The following EXD2 variants were observed in gnomAD, a reference collection of about 807,000 sequenced individuals.
EXD2 encodes the protein exonuclease 3'-5' domain containing 2, also known as exonuclease 3'-5' domain-containing protein 2.
In EXD2, 40 loss-of-function variants were observed where a neutral mutation model predicts 62.5. The observed-to-expected ratio is 0.64, with a 90% CI of 0.50 to 0.83. The LOEUF (loss-of-function observed/expected upper bound fraction) is 0.83, where lower values mean the gene tolerates loss of function less well. Among genes scored for constraint, EXD2 ranks in the 40% least tolerant of loss-of-function variants. The pLI, the probability that EXD2 is intolerant of heterozygous loss-of-function variation, is 0.00. For synonymous variants in EXD2, 239 were observed against 291.9 expected (o/e 0.82, Z 1.85); for missense variants, 671 against 761.8 (o/e 0.88, Z 1.40).
intron 1 of EXD2, among the ~76,000 whole-genome samples, chr14:69,197,808 T>G (rs1468487717): frequency 6.6e-6 from 1 of 152,270 alleles, no homozygotes; most frequent in African/African-American, 2.4e-5. Flanking sequence ...AAAATGAAGT[T>G]TGTATTGAAT....
At chr14:69,211,815 G>A (rs74554401) in intron 3 of EXD2, among the ~76,000 whole-genome samples, 2,015 of 152,252 alleles carry the variant, frequency 0.013, 42 homozygotes, top group African/African-American at 0.047. Context: ...TTGAGCAACA[G>A]CAGGGTAGAC....
rs1199047176 is a variant in EXD2 at position 69,237,620 on chromosome 14, G to A, written c.1338G>A (p.Glu446=). The change falls in exon 9 of 10, where the codon GAG becomes GAA. Residue 446 remains glutamate (E), a synonymous_variant. Transcript: ENST00000685843. ...AGTACCGGAAGCACTTCCCCATCGA[G>A]ATGAAGGACCACAACTCCCACGATG... The part of the protein sequence containing the change: ...PHEYRKHFPI[E]MKDHNSHDVL... The A allele has an allele frequency of 6.2e-7, 1 of 1,614,022 alleles. No homozygotes were observed. The highest frequency in any genetic ancestry group is 8.5e-7 in the Non-Finnish European group (1 of 1,180,048).
At chr14:69,215,298 A>ATG (rs61469385) in intron 3 of EXD2, among the ~76,000 whole-genome samples, 35,462 of 101,740 alleles carry the variant, frequency 0.35, 4,259 homozygotes, top group Non-Finnish European at 0.38. Context: ...TCAAAAATAT[A>ATG]TGTGTGTGTG....
chr14:69,226,230 G>A (rs1004016220), intron 3 of EXD2, among the ~76,000 whole-genome samples: 5 of 152,138 alleles, frequency 3.3e-5, no homozygotes, highest in South Asian at 2.1e-4. Context: ...AAGTGATTTG[G>A]TCACATCCGG....
intron 3 of EXD2, among the ~76,000 whole-genome samples, chr14:69,218,386 TC>T (rs1358036409): frequency 3.0e-4 from 45 of 152,268 alleles, no homozygotes; most frequent in Admixed American, 1.3e-3. Flanking sequence ...GGAGTTTTTT[TC>T]TTGTAAATTT....
At chr14:69,232,165 C>T (rs972494806) in intron 5 of EXD2, among the ~76,000 whole-genome samples, 5 of 152,264 alleles carry the variant, frequency 3.3e-5, no homozygotes, top group Admixed American at 2.6e-4. Context: ...TCCAGATCCT[C>T]TGTGGTTTAA....
chr14:69,209,847 T>A, intron 3 of EXD2, 44 bp downstream of exon 3: 1 of 1,138,586 alleles, frequency 8.8e-7, no homozygotes, highest in Non-Finnish European at 1.2e-6. Flanking sequence ...AAAAAACAAC[T>A]TCTGCTTTTC....
chr14:69,236,681 AAG>A, intron 8 of EXD2, 139 bp downstream of exon 8: 1 of 1,174,364 alleles, frequency 8.5e-7, no homozygotes, highest in South Asian at 1.4e-5. Flanking sequence ...CAGCTTCCCC[AAG>A]AGCTTTGGTA....
chr14:69,236,568 G>GT, intron 8 of EXD2, 26 bp downstream of exon 8: 1 of 1,613,808 alleles, frequency 6.2e-7, no homozygotes, highest in Non-Finnish European at 8.5e-7. Context: ...GGCCACCCTG[G>GT]TTGTCTGTGG....
At chr14:69,225,614 T>A (rs117044200) in intron 3 of EXD2, among the ~76,000 whole-genome samples, 1,836 of 152,278 alleles carry the variant, frequency 0.012, 18 homozygotes, top group Non-Finnish European at 0.017. Context: ...AACCCTAGAT[T>A]AAATAATGCT....
rs1471549510 is a variant in EXD2, at chr14:69,242,839, AC to A, written c.*1740del. On this transcript the variant is annotated 3_prime_UTR_variant, in exon 10 of 10. Transcript: ENST00000685843. ...ATTCTTGAGAAAAAAGCAACTGGTT[AC>A]TGAACGTAACTCATGACTTATGTTT... 1 of 152,226 alleles carries A rather than the reference AC, an allele frequency of 6.6e-6. No individual in the cohort carries two copies. Among genetic ancestry groups the A allele is most frequent in the Non-Finnish European group, 1.5e-5 (1 of 68,040 alleles). The allele number at this position is 152,226 out of a possible 1,614,324, so 9.4% of individuals were successfully genotyped here.
rs1270364933 is a variant in EXD2 at position 69,236,477 on chromosome 14, A to G, written c.1227A>G (p.Gly409=). The change falls in exon 8 of 10, where the codon GGA becomes GGG. Residue 409 remains glycine, a synonymous_variant. Transcript: ENST00000685843. ...FEPAGRPESP[G]DYYLMVKENL... ...CTGCAGGAAGGCCCGAATCTCCTGG[A>G]GACTATTACTTGATGGTTAAAGAGA... 1 of 1,613,972 alleles carries G rather than the reference A, an allele frequency of 6.2e-7. No individual in the cohort carries two copies. Among genetic ancestry groups the G allele is most frequent in the East Asian group, 2.2e-5 (1 of 44,884 alleles).
rs116282662 is a variant in EXD2 at position 69,232,429 on chromosome 14, T to C, written c.717+1831T>C. 2.1e-3 allele frequency among the ~76,000 whole-genome samples: 320 copies of C among 152,366 alleles called. 3 individuals carry two copies. The highest frequency in any genetic ancestry group is 7.2e-3 in the African/African-American group (298 of 41,586). On this transcript the variant is annotated intron_variant, in intron 5 of 9. Transcript: ENST00000685843. ...TGCATAGGCCTAGTTTCAACCTTGC[T>C]TGCCAAGTCAGTTACCACTTGTTCA...
chr14:69,234,908 C>A lies in EXD2; in HGVS notation c.926C>A (p.Thr309Lys). The A allele has an allele frequency of 6.2e-7, 1 of 1,614,122 alleles. No homozygotes were observed. The highest frequency in any genetic ancestry group is 8.5e-7 in the Non-Finnish European group (1 of 1,180,016). ...RLGEEVNGEA[T>K]ESQQKPRNKK... ...GGAGAAGAGGTTAATGGGGAAGCAA[C>A]AGAATCTCAGCAGAAGCCAAGAAAT... Residue 309 changes from threonine (T) to lysine (K), a missense_variant, in exon 6 of 10, where the codon ACA becomes AAA. Coordinates refer to ENST00000685843, the MANE Select transcript of EXD2 (RefSeq NM_001193360.2).
At chr14:69,233,508 C>T (rs560921275) in intron 5 of EXD2, among the ~76,000 whole-genome samples, 1 of 150,528 alleles carries the variant, frequency 6.6e-6, no homozygotes, top group Non-Finnish European at 1.5e-5. Context: ...CTCACTGCAA[C>T]TTCTGCCTCC....
At chr14:69,231,182 G>A (rs1397181637) in intron 5 of EXD2, among the ~76,000 whole-genome samples, 1 of 152,078 alleles carries the variant, frequency 6.6e-6, no homozygotes, top group Non-Finnish European at 1.5e-5. Context: ...TAAGTGTGTA[G>A]GAGTTATAAC....
rs540414756 is a variant in EXD2 at position 69,196,584 on chromosome 14, T to C, written c.-132+4993T>C. On this transcript the variant is annotated intron_variant, in intron 1 of 9. Transcript: ENST00000685843. ...TACCATTTGACATTCCCACCAACAATGCATGAGATTTCTAATTTCTCCACA... is the reference window on the plus strand; with the variant it reads ...TACCATTTGACATTCCCACCAACAACGCATGAGATTTCTAATTTCTCCACA... 1.4e-3 allele frequency among the ~76,000 whole-genome samples: 213 copies of C among 151,708 alleles called. 5 individuals carry two copies. In the South Asian group the frequency reaches 0.028, roughly 20 times the overall value.
At chr14:69,216,828 T>C (rs1408801274) in intron 3 of EXD2, among the ~76,000 whole-genome samples, 4 of 152,194 alleles carry the variant, frequency 2.6e-5, no homozygotes, top group Non-Finnish European at 4.4e-5. Flanking sequence ...CACATAGTTA[T>C]CATTTTTAAT....
At position 69,236,736 on chromosome 14, in the gene EXD2, G is replaced by A. The variant is rs147298299; in HGVS notation, c.1292+194G>A. On this transcript the variant is annotated intron_variant, in intron 8 of 9. Coordinates refer to ENST00000685843, the MANE Select transcript of EXD2 (RefSeq NM_001193360.2). ...TAGTGGCCCTTACCCCTCCTGAGCC[G>A]TTTCTCAGTTTCTGGAGTGCAACAC... 1.9e-3 allele frequency among the ~76,000 whole-genome samples: 287 copies of A among 152,256 alleles called. 6 individuals carry two copies. The highest frequency in any genetic ancestry group is 4.6e-4 in the Non-Finnish European group (31 of 68,024).
Sources: gnomAD v4.1 joint callset for allele counts (sites outside exome capture counted in the v4.1 genomes callset) on GRCh38, gnomAD v4.1.1 for gene constraint, MANE v1.5 for transcripts, NCBI Gene and HGNC (gene_info 2026-07-23, HGNC 2026-07-21) for gene names.